Variants in TRPM5 observed in about 807,000 individuals in gnomAD.
TRPM5 encodes transient receptor potential cation channel subfamily M member 5.
A neutral mutation model predicts 124.9 loss-of-function variants in TRPM5; 121 were observed. The ratio of observed to expected loss-of-function variants is 0.97; its 90% CI spans 0.84 to 1.13. The LOEUF (loss-of-function observed/expected upper bound fraction) is 1.13. Ranked by LOEUF, TRPM5 falls within the 50% of genes most tolerant of loss-of-function variation. The probability of loss-of-function intolerance (pLI) is 0.00; values close to 1 mark genes in which losing one functional copy is unlikely to be tolerated. For missense variants in TRPM5, 1,643 were observed against 1,589.1 expected, an observed-to-expected ratio of 1.03 and a Z score of -0.58; for synonymous variants, 781 against 700.5, an observed-to-expected ratio of 1.11 and a Z score of -1.81.
intron 7 of TRPM5, 142 bp from the exon 13 acceptor site, chr11:2,416,166 C>G: frequency 1.6e-6 from 1 of 608,922 alleles, no homozygotes; most frequent in Non-Finnish European, 2.9e-6. Flanking sequence ...CATGCGCCAC[C>G]TCTGAGCACC....
rs1850514281 is a variant in TRPM5, at chr11:2,414,062, T to G, written c.1889A>C (p.Gln630Pro). The change falls in exon 12 of 24, where the codon CAG (glutamine) becomes CCG (proline). Residue 630 changes from glutamine to proline, a missense_variant and splice_region_variant. Coordinates refer to ENST00000155858, the Ensembl canonical transcript of TRPM5. ...TCCTCGAGGACAGCTGGCACTCACCTGAACGCCGTCGTGGGCAAAGAAGGC... is the reference window on the plus strand; with the variant it reads ...TCCTCGAGGACAGCTGGCACTCACCGGAACGCCGTCGTGGGCAAAGAAGGC... 2.3e-6 allele frequency: 3 copies of G among 1,283,992 alleles called. No homozygotes were observed. The African/African-American group carries it at 5.4e-5, about 23-fold the overall frequency. The allele number at this position is 1,283,992 out of a possible 1,614,324, so 79.5% of individuals were successfully genotyped here.
chr11:2,422,038 C>T, intron 2 of TRPM5, 103 bp downstream of exon 7: 1 of 1,325,608 alleles, frequency 7.5e-7, no homozygotes, highest in Non-Finnish European at 1.0e-6. Flanking sequence ...GGTCTGGCTG[C>T]CCTGTGGGGT....
rs546497374 is a variant in TRPM5, at chr11:2,410,325, G to A, written c.2782+1027C>T. Among the ~76,000 whole-genome samples, 7 of 152,312 alleles carry A rather than the reference G, an allele frequency of 4.6e-5. No homozygotes were observed. The East Asian group carries it at 1.4e-3, about 29-fold the overall frequency. ...CATCCCCTCAACAAATATTTATCGAGGGTCCTGAGCGCCACTCCACAGAGG... is the reference window on the plus strand; with the variant it reads ...CATCCCCTCAACAAATATTTATCGAAGGTCCTGAGCGCCACTCCACAGAGG... On this transcript the variant is annotated intron_variant, in intron 18 of 23. Transcript: ENST00000155858.
chr11:2,406,997 T>G (rs904618218), intron 20 of TRPM5, 122 bp downstream of exon 25: 1 of 1,342,976 alleles, frequency 7.4e-7, no homozygotes, highest in Non-Finnish European at 9.9e-7. Context: ...AGAGCCCAGC[T>G]GAGGACCCAC....
chr11:2,413,587 G>T, exon 13 of TRPM5: 1 of 1,612,000 alleles, frequency 6.2e-7, no homozygotes, highest in Non-Finnish European at 8.5e-7. Flanking sequence ...GGTCAGGAAG[G>T]CCTGAGGTGA....
Position 2,420,361 on chromosome 11 carries a change from C to A in TRPM5, c.510G>T (p.Gln170His), listed in dbSNP as rs1278846839. 6.2e-7 allele frequency: 1 copy of A among 1,612,738 alleles called. No homozygotes were observed. Among genetic ancestry groups the A allele is most frequent in the Non-Finnish European group, 8.5e-7 (1 of 1,179,866 alleles). ...TGCTGTCCAGTGAACAGAGGGGGCC[C>A]TGGCTGCCGCCGTCATCCTCAGGGT... Residue 170 changes from glutamine (Q) to histidine (H), a missense_variant, in exon 4 of 24, where the codon CAG (glutamine) becomes CAT (histidine). By Grantham distance (24) the Gln-to-His change is conservative. Transcript: ENST00000155858.
chr11:2,407,483 C>T (rs1850347491), intron 19 of TRPM5, among the ~76,000 whole-genome samples, 183 bp from the exon 25 acceptor site: 1 of 152,236 alleles, frequency 6.6e-6, no homozygotes, highest in Admixed American at 6.5e-5. Flanking sequence ...CCTGTCCACT[C>T]TGCTCTCCTG....
rs1454240777 is a variant in TRPM5, at chr11:2,406,771, CA to C, written c.3140del (p.Leu1047ArgfsTer17). ...TCTCCCAGGTGACGACCTTCTGGTC[CA>C]GGGGGTCTGGCAGGTCTCTCTCTGG... is the stretch of plus-strand genomic sequence containing the variant. On this transcript the variant is annotated frameshift_variant, in exon 21 of 24. Coordinates refer to ENST00000155858, the Ensembl canonical transcript of TRPM5. LOFTEE classifies it high-confidence loss of function. 2.5e-6 allele frequency: 4 copies of C among 1,613,030 alleles called. No individual in the cohort carries two copies. Among genetic ancestry groups the C allele is most frequent in the South Asian group, 1.1e-5 (1 of 91,058 alleles).
At chr11:2,418,707 G>A in intron 4 of TRPM5, 116 bp from the exon 10 acceptor site, 2 of 1,078,544 alleles carry the variant, frequency 1.9e-6, no homozygotes, top group African/African-American at 1.6e-5. Flanking sequence ...CGAATAAAGT[G>A]TGGGCTTCGT....
chr11:2,412,704 C>G, intron 15 of TRPM5, 50 bp downstream of exon 20: 1 of 1,516,668 alleles, frequency 6.6e-7, no homozygotes, highest in Non-Finnish European at 8.8e-7. Context: ...TTAGGTTGCC[C>G]AACCTGAAGC....
upstream of TRPM5, among the ~76,000 whole-genome samples, chr11:2,426,336 T>C (rs1323455397): frequency 6.6e-6 from 1 of 152,022 alleles, no homozygotes. Context: ...TAAGGAGGCA[T>C]TTGGCCAGGT....
At chr11:2,412,099 C>T (rs375745011) in intron 16 of TRPM5, 36 bp downstream of exon 21, 38 of 1,564,856 alleles carry the variant, frequency 2.4e-5, no homozygotes, top group South Asian at 5.5e-5. Context: ...GCCCACAAGC[C>T]GCCCTGAGGC....
chr11:2,440,022 T>C, the TRPM5 span, among the ~76,000 whole-genome samples: 2 of 152,174 alleles, frequency 1.3e-5, no homozygotes, highest in South Asian at 2.1e-4. This position sits in a 1 kb window ranked among gnomAD's most constrained non-coding sequence, Gnocchi z 5.2. Context: ...AACCATGTCA[T>C]CTGCAGCAAC....
intron 6 of TRPM5, 107 bp downstream of exon 11, chr11:2,418,060 T>C: frequency 3.5e-6 from 4 of 1,136,328 alleles, no homozygotes; most frequent in Non-Finnish European, 3.7e-6. Context: ...CCCAGCAGCC[T>C]GAGGTGGGAG....
chr11:2,430,618 T>G, the TRPM5 span, among the ~76,000 whole-genome samples: 5 of 151,734 alleles, frequency 3.3e-5, no homozygotes, highest in Non-Finnish European at 5.9e-5. Context: ...GTGGTGGTGA[T>G]GTTGGTGGCA....
chr11:2,411,454 G>A (rs1210165608), exon 18 of TRPM5: 1 of 1,612,192 alleles, frequency 6.2e-7, no homozygotes, highest in Non-Finnish European at 8.5e-7. Context: ...GGGTGCAGCA[G>A]CGCCTGGGTG....
upstream of TRPM5, among the ~76,000 whole-genome samples, chr11:2,426,035 G>A (rs1845837678): frequency 6.6e-6 from 1 of 152,186 alleles, no homozygotes; most frequent in Non-Finnish European, 1.5e-5. Context: ...AGGACATCCG[G>A]GAGTACCCTT....
At chr11:2,406,931 C>T in intron 20 of TRPM5, 138 bp from the exon 26 acceptor site, 2 of 1,398,238 alleles carry the variant, frequency 1.4e-6, no homozygotes, top group Non-Finnish European at 1.9e-6. Context: ...CAAGCATGGC[C>T]CTGTGCAAGG....
intron 18 of TRPM5, among the ~76,000 whole-genome samples, chr11:2,409,839 C>T (rs188698428): frequency 3.6e-4 from 55 of 152,316 alleles, no homozygotes; most frequent in Middle Eastern, 6.8e-3. Flanking sequence ...CCCGCAGCAC[C>T]GCAGACCTCC....
Sources: gnomAD v4.1 joint callset for allele counts (sites outside exome capture counted in the v4.1 genomes callset) on GRCh38, gnomAD v4.1.1 for gene constraint, Gnocchi (gnomAD v3.1) non-coding constraint, MANE v1.5 for transcripts, NCBI Gene and HGNC (gene_info 2026-07-23, HGNC 2026-07-21) for gene names.